Variants in HOOK2 observed in about 807,000 individuals in gnomAD.
HOOK2 encodes protein Hook homolog 2.
In HOOK2, 108 loss-of-function variants were observed where a neutral mutation model predicts 111.9. The observed-to-expected ratio is 0.96, with a 90% CI of 0.83 to 1.13. The LOEUF is 1.13. Ranked by LOEUF, HOOK2 falls within the 50% of genes most tolerant of loss-of-function variation. The pLI is 0.00. For missense variants in HOOK2, 978 were observed against 951.3 expected (o/e 1.03, Z -0.37); for synonymous variants, 405 against 394.3 (o/e 1.03, Z -0.32).
Position 12,767,912 on chromosome 19 carries a change from A to G in HOOK2, c.1216-9T>C, listed in dbSNP as rs1229060183. 3 of 1,611,508 alleles carry G rather than the reference A, an allele frequency of 1.9e-6. No homozygotes were observed. The highest frequency in any genetic ancestry group is 4.5e-5 in the East Asian group (2 of 44,852). On this transcript the variant is annotated splice_polypyrimidine_tract_variant and intron_variant, in intron 12 of 22. Transcript: ENST00000397668. Reference sequence around the variant, plus strand: ...CGCTCCGCCAACAGCCGCTGCAGGGACAGGGTACAAGACACTCCACGGGTC... The same window carrying G: ...CGCTCCGCCAACAGCCGCTGCAGGGGCAGGGTACAAGACACTCCACGGGTC...
At chr19:12,768,610 TG>T (rs1968224429) in intron 11 of HOOK2, among the ~76,000 whole-genome samples, 1 of 152,108 alleles carries the variant, frequency 6.6e-6, no homozygotes, top group Non-Finnish European at 1.5e-5. Flanking sequence ...GTATGTTCAA[TG>T]GATTTTCTTT....
upstream of HOOK2, among the ~76,000 whole-genome samples, chr19:12,776,673 CAAAAA>C (rs59092661): frequency 1.0e-5 from 1 of 95,802 alleles, no homozygotes; most frequent in African/African-American, 4.1e-5. Flanking sequence ...CAAGACTCCT[CAAAAA>C]AAAAAAAAAA....
Position 12,766,116 on chromosome 19 carries a change from C to T in HOOK2, c.1498G>A (p.Glu500Lys), listed in dbSNP as rs1334726747. Residue 500 changes from glutamate to lysine, a missense_variant, in exon 15 of 23, where the codon GAG becomes AAG. Around this residue, in one of 5 missense-constraint regions of HOOK2, gnomAD observed 388 missense variants for 358.3 expected, o/e 1.08. Transcript: ENST00000397668. ...CCAGGCGCTCACCGGTGCTGCGTCT[C>T]CAACCCGTGGCGCGCGCGGTTGGCA... ...EDANRARHGL[E>K]TQHRLNQQQL... 4 of 1,602,448 alleles carry T rather than the reference C, an allele frequency of 2.5e-6. No homozygotes were observed. The highest frequency in any genetic ancestry group is 3.4e-6 in the Non-Finnish European group (4 of 1,178,774).
chr19:12,774,934 GCCTGGGAGCGCCGAACCGCT>G (rs1371816537), intron 1 of HOOK2, 37 bp from the exon 2 acceptor site: 5 of 1,574,074 alleles, frequency 3.2e-6, no homozygotes, highest in Admixed American at 1.8e-5. Context: ...AAGAGTTAGG[GCCTGGGAGCGCCGAACCGCT>G]CCCCTTTTGC....
chr19:12,776,736 C>T (rs576427188), upstream of HOOK2, among the ~76,000 whole-genome samples: 1 of 151,310 alleles, frequency 6.6e-6, no homozygotes, highest in South Asian at 2.1e-4. Context: ...TAGCTCCTAG[C>T]TCTACAGAGG....
chr19:12,763,791 G>A lies in HOOK2; in HGVS notation c.1828-13C>T. 22 of 1,609,336 alleles carry A rather than the reference G, an allele frequency of 1.4e-5. No homozygotes were observed. Among genetic ancestry groups the A allele is most frequent in the Non-Finnish European group, 1.8e-5 (21 of 1,176,018 alleles). On this transcript the variant is annotated splice_polypyrimidine_tract_variant and intron_variant, in intron 20 of 22. Transcript: ENST00000397668. Reference sequence around the variant, plus strand: ...TGGTCTGCATGACCTACAGGTTGAGGAAGTCATAGCCAGGTGACTTTGGCC... The same window carrying A: ...TGGTCTGCATGACCTACAGGTTGAGAAAGTCATAGCCAGGTGACTTTGGCC...
chr19:12,789,990 G>T (rs1443634331), intron 3 of HOOK2, among the ~76,000 whole-genome samples: 1 of 152,152 alleles, frequency 6.6e-6, no homozygotes, highest in African/African-American at 2.4e-5. Flanking sequence ...GCCGGCCCGC[G>T]CTCAGTCCTG....
chr19:12,764,987 G>A lies in HOOK2; in HGVS notation c.1723+12C>T, dbSNP rs1412613012. On this transcript the variant is annotated intron_variant, in intron 19 of 22. Transcript: ENST00000397668. ...GGATCTCCCCACCCTCTGGTCACTA[G>A]GTCCTACTTACTGCTGCTGTCAGTG... 1 of 1,614,036 alleles carries A rather than the reference G, an allele frequency of 6.2e-7. No homozygotes were observed. Among genetic ancestry groups the A allele is most frequent in the East Asian group, 2.2e-5 (1 of 44,880 alleles).
intron 18 of HOOK2, 86 bp downstream of exon 18, chr19:12,765,604 C>G: frequency 6.6e-7 from 1 of 1,505,286 alleles, no homozygotes; most frequent in Non-Finnish European, 9.2e-7. Flanking sequence ...AAAAAATCAG[C>G]CAGGCATGGT....
chr19:12,766,980 C>T (rs190682106), intron 14 of HOOK2, among the ~76,000 whole-genome samples: 5 of 152,236 alleles, frequency 3.3e-5, no homozygotes, highest in South Asian at 2.1e-4. Flanking sequence ...CCTCCAGCTT[C>T]GGCCTTCCAA....
In HOOK2 at chr19:12,790,406, C is replaced by G. The variant is rs992378764; in HGVS notation, n.42-16181G>C. 6.6e-6 allele frequency among the ~76,000 whole-genome samples: 1 copy of G among 152,230 alleles called. No homozygotes were observed. Among genetic ancestry groups the G allele is most frequent in the Non-Finnish European group, 1.5e-5 (1 of 68,032 alleles). Reference sequence around the variant, plus strand: ...TGGGGTTGGGCGACCGCGCCCCAGCCGTCGGGCTGGGTCCAGGCTCTAGGA... The same window carrying G: ...TGGGGTTGGGCGACCGCGCCCCAGCGGTCGGGCTGGGTCCAGGCTCTAGGA... On this transcript the variant is annotated intron_variant and non_coding_transcript_variant, in intron 3 of 3. Transcript: ENST00000589765. The surrounding 1 kb of genome is among the most constrained non-coding windows in gnomAD (Gnocchi z 7.2).
chr19:12,775,832 A>G (rs1003727117), upstream of HOOK2, among the ~76,000 whole-genome samples: 5 of 149,254 alleles, frequency 3.3e-5, no homozygotes, highest in Non-Finnish European at 7.4e-5. Context: ...ACCCTGTTAC[A>G]CAAGCGCATT....
chr19:12,764,502 G>A (rs1335725265), intron 20 of HOOK2: 1 of 271,322 alleles, frequency 3.7e-6, no homozygotes. Flanking sequence ...GCTAATTTTT[G>A]TATTTTTAGT....
At chr19:12,764,783 G>A in intron 20 of HOOK2, 31 bp downstream of exon 20, 1 of 1,592,816 alleles carries the variant, frequency 6.3e-7, no homozygotes, top group Non-Finnish European at 8.6e-7. Context: ...AGCCAGGGCA[G>A]GCAACTTGTG....
At chr19:12,767,525 C>T (rs766423993) in intron 13 of HOOK2, 61 bp from the exon 14 acceptor site, 51 of 1,378,860 alleles carry the variant, frequency 3.7e-5, no homozygotes, top group Non-Finnish European at 5.2e-5. Flanking sequence ...CCCCTAGGGT[C>T]TTCTTCCCAA....
chr19:12,765,119 G>C (rs746511470), intron 18 of HOOK2, 38 bp from the exon 19 acceptor site: 1 of 1,605,430 alleles, frequency 6.2e-7, no homozygotes, highest in East Asian at 2.2e-5. Flanking sequence ...GCTGACCTCC[G>C]GGCTGGCTTC....
At chr19:12,774,148 C>A in intron 3 of HOOK2, 1 of 161,048 alleles carries the variant, frequency 6.2e-6, no homozygotes, top group Non-Finnish European at 1.4e-5. Context: ...CTCTGTTGCC[C>A]AGGCTGGAGT....
At position 12,775,518 on chromosome 19, in the gene HOOK2, G is replaced by A; in HGVS notation, c.-69C>T. On this transcript the variant is annotated 5_prime_UTR_variant, in exon 1 of 23. Coordinates refer to ENST00000397668, the MANE Select transcript of HOOK2 (RefSeq NM_013312.3). ...GCAGCAGCCTCCGGGTCCGCCACCAGCGAGCGCCCGCAGCCCCGACCTCCC... is the reference window on the plus strand; with the variant it reads ...GCAGCAGCCTCCGGGTCCGCCACCAACGAGCGCCCGCAGCCCCGACCTCCC... 1 of 1,534,740 alleles carries A rather than the reference G, an allele frequency of 6.5e-7. No individual in the cohort carries two copies. Among genetic ancestry groups the A allele is most frequent in the Middle Eastern group, 2.0e-4 (1 of 5,110 alleles).
rs763187031 is a variant in HOOK2 at position 12,767,384 on chromosome 19, C to T, written c.1373+11G>A. On this transcript the variant is annotated intron_variant, in intron 14 of 22. Coordinates refer to ENST00000397668, the MANE Select transcript of HOOK2 (RefSeq NM_013312.3). ...TGGGTGGGGCCAGAGTTTTGAGTGA[C>T]CCCAGGATACCTGAGCTCCGCAGGC... is the stretch of plus-strand genomic sequence containing the variant. The T allele has an allele frequency of 1.1e-5, 17 of 1,612,690 alleles. No individual in the cohort carries two copies. In the East Asian group the frequency reaches 3.8e-4, roughly 36 times the overall value.
Sources: gnomAD v4.1 joint callset for allele counts (sites outside exome capture counted in the v4.1 genomes callset) on GRCh38, gnomAD v4.1.1 for gene constraint, gnomAD v4.1.1 regional missense constraint, Gnocchi (gnomAD v3.1) non-coding constraint, MANE v1.5 for transcripts, NCBI Gene and HGNC (gene_info 2026-07-23, HGNC 2026-07-21) for gene names.